Variants in DLC1 observed in about 807,000 individuals in gnomAD.
The protein encoded by DLC1 is rho GTPase-activating protein 7.
Under a neutral mutation model 140.3 loss-of-function variants are expected in DLC1, and 54 were observed. That is an observed-to-expected ratio of 0.38 (90% CI 0.31 to 0.48). The LOEUF is 0.48. Among genes scored for constraint, DLC1 ranks in the 20% least tolerant of loss-of-function variants. The probability of loss-of-function intolerance (pLI) is 0.96; values close to 1 mark genes in which losing one functional copy is unlikely to be tolerated. For synonymous variants in DLC1, 986 were observed against 728.1 expected (o/e 1.35, Z -5.70); for missense variants, 2,536 against 1,907.0 (o/e 1.33, Z -6.14).
intron 5 of DLC1, among the ~76,000 whole-genome samples, chr8:13,237,669 A>G (rs1307264112): frequency 2.0e-5 from 3 of 151,936 alleles, no homozygotes; most frequent in African/African-American, 7.3e-5. Flanking sequence ...ATGTTTCTAC[A>G]TCCTCATAGC....
chr8:13,583,152 T>G (rs1229871369), intron 1 of DLC1, among the ~76,000 whole-genome samples: 1 of 151,990 alleles, frequency 6.6e-6, no homozygotes, highest in Non-Finnish European at 1.5e-5. Flanking sequence ...GCATCAATAG[T>G]TGATTCTTCC....
In DLC1 at chr8:13,099,738, T is replaced by G; in HGVS notation, c.2599A>C (p.Asn867His). The change falls in exon 9 of 18, where the codon AAT becomes CAT. Residue 867 changes from asparagine (N) to histidine (H), a missense_variant. By Grantham distance (68) the Asn-to-His change is moderately conservative. Transcript: ENST00000276297. Reference sequence around the variant, plus strand: ...CGGCTGCTCATGGAGCTGGAAGAATTGCGTCTCTTCAGTTCCTTGGGGCTG... The same window carrying G: ...CGGCTGCTCATGGAGCTGGAAGAATGGCGTCTCTTCAGTTCCTTGGGGCTG... ...SDSPKELKRRNSSSSMSSRLS... is the reference protein window; with the variant it reads ...SDSPKELKRRHSSSSMSSRLS... 1 of 1,614,106 alleles carries G rather than the reference T, an allele frequency of 6.2e-7. No homozygotes were observed. Among genetic ancestry groups the G allele is most frequent in the Non-Finnish European group, 8.5e-7 (1 of 1,180,026 alleles).
chr8:13,100,859 A>G (rs1216879360), intron 8 of DLC1, 89 bp from the exon 9 acceptor site: 7 of 1,351,450 alleles, frequency 5.2e-6, no homozygotes, highest in Non-Finnish European at 6.9e-6. Flanking sequence ...ATAATATGCC[A>G]GTAGTATCAA....
rs191999608 is a variant in DLC1, at chr8:13,431,021, G to A, written c.1024-29402C>T. Among the ~76,000 whole-genome samples, 79 of 152,312 alleles carry A rather than the reference G, an allele frequency of 5.2e-4. 2 individuals are homozygous for A. Among genetic ancestry groups the A allele is most frequent in the Admixed American group, 4.3e-3 (66 of 15,296 alleles). On this transcript the variant is annotated intron_variant, in intron 2 of 17. Coordinates refer to ENST00000276297, the MANE Select transcript of DLC1 (RefSeq NM_182643.3). ...AGAATAATCTATAAAATGCATAAGTGCTTCTTCCATGTCAGTCAACTGAGG... is the reference window on the plus strand; with the variant it reads ...AGAATAATCTATAAAATGCATAAGTACTTCTTCCATGTCAGTCAACTGAGG...
chr8:13,149,255 C>CT (rs1223219950), intron 5 of DLC1, among the ~76,000 whole-genome samples: 1 of 152,178 alleles, frequency 6.6e-6, no homozygotes. Flanking sequence ...GAATCAAGCT[C>CT]TTTTTCCTAG....
chr8:13,127,261 G>T (rs955716089), intron 5 of DLC1, among the ~76,000 whole-genome samples: 1 of 152,178 alleles, frequency 6.6e-6, no homozygotes, highest in African/African-American at 2.4e-5. Context: ...AACAACTTAA[G>T]ACCTTCATTT....
intron 5 of DLC1, among the ~76,000 whole-genome samples, chr8:13,260,174 G>A (rs1830417690): frequency 6.6e-6 from 1 of 152,148 alleles, no homozygotes; most frequent in African/African-American, 2.4e-5. Context: ...GCTTTGGTTT[G>A]ATATGCCTGG....
chr8:13,277,740 G>T (rs1209477277), intron 5 of DLC1, among the ~76,000 whole-genome samples: 2 of 151,922 alleles, frequency 1.3e-5, no homozygotes, highest in Non-Finnish European at 2.9e-5. Flanking sequence ...ACAAGGTTTG[G>T]CAGGGAAGCT....
chr8:13,410,070 C>G (rs970264755), intron 2 of DLC1, among the ~76,000 whole-genome samples: 2 of 151,910 alleles, frequency 1.3e-5, no homozygotes, highest in Non-Finnish European at 2.9e-5. Flanking sequence ...CATTAATCTC[C>G]TATATTAACA....
intron 4 of DLC1, among the ~76,000 whole-genome samples, chr8:13,367,400 G>T (rs1383666322): frequency 6.6e-6 from 1 of 152,120 alleles, no homozygotes; most frequent in African/African-American, 2.4e-5. Flanking sequence ...CTGTTCTTAG[G>T]TGCTGCCTAC....
At chr8:13,145,881 TG>T (rs372755564) in intron 5 of DLC1, among the ~76,000 whole-genome samples, 116 of 152,260 alleles carry the variant, frequency 7.6e-4, no homozygotes, top group African/African-American at 2.6e-3. Context: ...GGGAAGAGCA[TG>T]GGGGTAACTT....
chr8:13,489,410 C>G (rs1343401340), intron 2 of DLC1, among the ~76,000 whole-genome samples: 2 of 10,062 alleles, frequency 2.0e-4, no homozygotes, highest in East Asian at 7.5e-3. Context: ...ACACACACAC[C>G]ATACACACAC....
chr8:13,123,211 T>G (rs1199037573), intron 5 of DLC1, among the ~76,000 whole-genome samples: 1 of 152,142 alleles, frequency 6.6e-6, no homozygotes, highest in Non-Finnish European at 1.5e-5. Flanking sequence ...CTTTCATTGG[T>G]GAAAGCCAAA....
At chr8:13,123,086 A>T (rs1250321128) in intron 5 of DLC1, among the ~76,000 whole-genome samples, 2 of 152,216 alleles carry the variant, frequency 1.3e-5, no homozygotes, top group African/African-American at 4.8e-5. Flanking sequence ...TACAGCGCGT[A>T]TGAGGACCCT....
rs182572686 is a variant in DLC1 at position 13,568,032 on chromosome 8, C to G, written c.-126+36505G>C. Reference sequence around the variant, plus strand: ...CTTGGGAAACTAACTTAAGACTTTACTATGCTTCCTTCACAGATTTGAGGA... The same window carrying G: ...CTTGGGAAACTAACTTAAGACTTTAGTATGCTTCCTTCACAGATTTGAGGA... On this transcript the variant is annotated intron_variant, in intron 1 of 1. Transcript: ENST00000631382. 8 of 1,374,748 alleles carry G rather than the reference C, an allele frequency of 5.8e-6. No homozygotes were observed. The Admixed American group carries it at 2.3e-4, about 39-fold the overall frequency. 85.2% of individuals were successfully genotyped at this position (1,374,748 alleles called of 1,614,324 possible). A position where few individuals can be genotyped will look rare whatever the true frequency, so the allele number is the denominator to read the frequency against.
intron 2 of DLC1, among the ~76,000 whole-genome samples, chr8:13,419,199 C>T (rs1042146717): frequency 7.9e-5 from 12 of 151,804 alleles, no homozygotes; most frequent in Non-Finnish European, 1.5e-4. Context: ...AATTGAATAC[C>T]GTTTATTTCC....
chr8:13,419,425 G>C (rs182102544), intron 2 of DLC1, among the ~76,000 whole-genome samples: 2 of 152,108 alleles, frequency 1.3e-5, no homozygotes, highest in African/African-American at 4.8e-5. Context: ...TTAGCATGAA[G>C]GTTGTTGAAT....
chr8:13,556,771 T>C (rs1481596), intron 1 of DLC1, among the ~76,000 whole-genome samples: 124,242 of 152,182 alleles, frequency 0.82, 51,057 homozygotes, highest in East Asian at 0.96. Flanking sequence ...AAACATATGC[T>C]TATTTCTAAA....
chr8:13,327,039 C>A (rs1372031856), intron 4 of DLC1, among the ~76,000 whole-genome samples: 3 of 151,824 alleles, frequency 2.0e-5, no homozygotes, highest in Non-Finnish European at 4.4e-5. Context: ...ACTGCAAGCT[C>A]CGCCTCCCAG....
Sources: gnomAD v4.1 joint callset for allele counts (sites outside exome capture counted in the v4.1 genomes callset) on GRCh38, gnomAD v4.1.1 for gene constraint, MANE v1.5 for transcripts, NCBI Gene and HGNC (gene_info 2026-07-23, HGNC 2026-07-21) for gene names.